VPS35L: variants seen among roughly 807,000 people sequenced by gnomAD.
VPS35L encodes VPS35 endosomal protein-sorting factor-like.
Under a neutral mutation model 133.0 loss-of-function variants are expected in VPS35L, and 83 were observed. The observed-to-expected ratio is 0.62, with a 90% CI of 0.52 to 0.75. The LOEUF is 0.75. VPS35L is among the 30% of genes least tolerant of loss of function. VPS35L has a pLI of 0.00. For missense variants in VPS35L, 1,083 were observed against 1,206.8 expected (o/e 0.90, Z 1.52); for synonymous variants, 423 against 449.9 (o/e 0.94, Z 0.76).
chr16:19,603,707 G>T (rs1287854048), intron 9 of VPS35L, among the ~76,000 whole-genome samples: 3 of 152,102 alleles, frequency 2.0e-5, no homozygotes, highest in Non-Finnish European at 2.9e-5. Flanking sequence ...GCTGGCTTGA[G>T]GATTTGGGAA....
At chr16:19,575,171 T>A in intron 5 of VPS35L, 49 bp downstream of exon 5, 1 of 1,555,736 alleles carries the variant, frequency 6.4e-7, no homozygotes, top group Non-Finnish European at 8.8e-7. Context: ...GGCATTACTT[T>A]TAGTATAATT....
intron 7 of VPS35L, among the ~76,000 whole-genome samples, chr16:19,586,141 C>A (rs1971856437): frequency 6.6e-6 from 1 of 152,132 alleles, no homozygotes; most frequent in African/African-American, 2.4e-5. Context: ...CTCAAGCGAT[C>A]CTTTCATCTT....
intron 26 of VPS35L, among the ~76,000 whole-genome samples, chr16:19,659,111 C>T (rs1974399929): frequency 6.6e-6 from 1 of 152,118 alleles, no homozygotes; most frequent in Non-Finnish European, 1.5e-5. Context: ...ACGGATTGAG[C>T]ATTAGATAAA....
At chr16:19,682,065 T>C (rs893145818) in intron 27 of VPS35L, among the ~76,000 whole-genome samples, 160 bp from the exon 28 acceptor site, 2 of 152,208 alleles carry the variant, frequency 1.3e-5, no homozygotes, top group African/African-American at 4.8e-5. Context: ...CTCTGTATTG[T>C]TTAACCAGGC....
At chr16:19,659,629 G>C (rs888339215) in intron 26 of VPS35L, among the ~76,000 whole-genome samples, 1 of 152,138 alleles carries the variant, frequency 6.6e-6, no homozygotes, top group Non-Finnish European at 1.5e-5. Flanking sequence ...AAACTTAGCT[G>C]TTGGAATAAC....
chr16:19,576,505 C>A (rs1483279002), intron 5 of VPS35L, among the ~76,000 whole-genome samples: 1 of 152,134 alleles, frequency 6.6e-6, no homozygotes, highest in East Asian at 1.9e-4. Context: ...AGATGCCTGG[C>A]CCCCACTTGC....
Position 19,666,964 on chromosome 16 carries a change from C to CT in VPS35L, c.2222-2194dup, listed in dbSNP as rs1212117718. 2.5e-3 allele frequency among the ~76,000 whole-genome samples: 253 copies of CT among 103,172 alleles called. 1 individual carries two copies. Among genetic ancestry groups the CT allele is most frequent in the African/African-American group, 7.3e-3 (210 of 28,572 alleles). 67.7% of individuals were successfully genotyped at this position (103,172 alleles called of 152,430 possible). A position where few individuals can be genotyped will look rare whatever the true frequency, so the allele number is the denominator to read the frequency against. Reference sequence around the variant, plus strand: ...TCTTCCTTTCTTCCTTTCTTCCTTTCTTCCTTTCTTCCTTTCTTTCTTTCT... The same window carrying CT: ...TCTTCCTTTCTTCCTTTCTTCCTTTCTTTCCTTTCTTCCTTTCTTTCTTTCT... On this transcript the variant is annotated intron_variant, in intron 26 of 30. Transcript: ENST00000417362.
At chr16:19,589,535 A>T (rs542726038) in intron 7 of VPS35L, among the ~76,000 whole-genome samples, 12 of 152,260 alleles carry the variant, frequency 7.9e-5, no homozygotes, top group African/African-American at 2.6e-4. Context: ...ATGAGCCACC[A>T]TGCCCAGCTG....
chr16:19,583,404 G>C (rs6497386), intron 7 of VPS35L, among the ~76,000 whole-genome samples: 43,387 of 152,004 alleles, frequency 0.29, 7,727 homozygotes, highest in African/African-American at 0.51. Context: ...TTAATTGATA[G>C]ATAATAATTC....
chr16:19,690,961 CAAA>C (rs112601797), intron 28 of VPS35L, among the ~76,000 whole-genome samples: 2 of 130,850 alleles, frequency 1.5e-5, no homozygotes, highest in Non-Finnish European at 3.3e-5. Context: ...GACTCCGTCT[CAAA>C]AAAAAAAAAA....
intron 1 of VPS35L, 76 bp downstream of exon 1, chr16:19,555,822 T>C: frequency 2.7e-6 from 4 of 1,501,676 alleles, no homozygotes; most frequent in Middle Eastern, 2.5e-4. Flanking sequence ...GGTCTGAGAG[T>C]GTGAATTCCT....
Position 19,569,575 on chromosome 16 carries a change from C to G in VPS35L, c.269C>G (p.Ala90Gly), listed in dbSNP as rs1452799898. ...TTTGCAGCCACTGCTGACCCCGCAG[C>G]CTTGGCAGCTGCCATGGTAATGCAC... Reference protein sequence around the residue: ...SMFAATADPAALAAAMDSSRR... With the variant: ...SMFAATADPAGLAAAMDSSRR... Residue 90 changes from alanine (A) to glycine (G), a missense_variant, in exon 3 of 31, where the codon GCC becomes GGC. Physicochemically the swap from Ala to Gly is moderately conservative, Grantham distance 60 (BLOSUM62 0). Transcript: ENST00000417362. 5.1e-6 allele frequency: 8 copies of G among 1,556,072 alleles called. No individual in the cohort carries two copies. The highest frequency in any genetic ancestry group is 6.9e-6 in the Non-Finnish European group (8 of 1,152,732).
At chr16:19,556,089 T>G (rs1412000353) in intron 1 of VPS35L, among the ~76,000 whole-genome samples, 1 of 152,168 alleles carries the variant, frequency 6.6e-6, no homozygotes, top group Non-Finnish European at 1.5e-5. Flanking sequence ...AATGGTGGAC[T>G]CAGCTTTTAA....
At chr16:19,561,916 GC>G (rs1247898092) in intron 1 of VPS35L, among the ~76,000 whole-genome samples, 1 of 152,064 alleles carries the variant, frequency 6.6e-6, no homozygotes, top group Non-Finnish European at 1.5e-5. Context: ...GGTCAGCTTG[GC>G]CAACATGGTG....
At chr16:19,593,245 G>T (rs1206002970) in intron 8 of VPS35L, among the ~76,000 whole-genome samples, 1 of 152,140 alleles carries the variant, frequency 6.6e-6, no homozygotes, top group East Asian at 1.9e-4. Context: ...TATATGATGT[G>T]CCCCACAGCA....
rs139805019 is a variant in VPS35L at position 19,633,147 on chromosome 16, G to A, written c.1610G>A (p.Arg537His). The A allele has an allele frequency of 1.1e-4, 179 of 1,614,140 alleles. No homozygotes were observed. Among genetic ancestry groups the A allele is most frequent in the Non-Finnish European group, 1.5e-4 (176 of 1,179,984 alleles). The change falls in exon 19 of 31, where the codon CGT (arginine) becomes CAT (histidine). Residue 537 changes from arginine to histidine, a missense_variant. Coordinates refer to ENST00000417362, the MANE Select transcript of VPS35L (RefSeq NM_020314.7). The surrounding 1 kb of genome is among the most constrained non-coding windows in gnomAD (Gnocchi z 4.1). ...ADVIKHMTPD[R>H]AFEDSYPQLQ... ...GTCATCAAGCACATGACTCCAGATCGTGCATTTGAAGATTCCTACCCCCAG... is the reference window on the plus strand; with the variant it reads ...GTCATCAAGCACATGACTCCAGATCATGCATTTGAAGATTCCTACCCCCAG...
chr16:19,572,158 G>A (rs968001327), intron 3 of VPS35L, among the ~76,000 whole-genome samples: 3 of 152,090 alleles, frequency 2.0e-5, no homozygotes, highest in Non-Finnish European at 4.4e-5. Flanking sequence ...AGTGGGTCAC[G>A]CCTGTAATCC....
At chr16:19,676,225 C>T (rs913244083) in intron 27 of VPS35L, among the ~76,000 whole-genome samples, 9 of 152,062 alleles carry the variant, frequency 5.9e-5, no homozygotes, top group African/African-American at 2.2e-4. Context: ...GCACTCCAGC[C>T]TGGGTGACAA....
chr16:19,674,184 CTT>C (rs201038834), intron 27 of VPS35L, among the ~76,000 whole-genome samples: 6 of 70,912 alleles, frequency 8.5e-5, no homozygotes, highest in African/African-American at 2.5e-4. Context: ...TTTTCTTTTT[CTT>C]TTTTTTTTTT....
Sources: allele counts gnomAD v4.1 joint callset (sites outside exome capture counted in the v4.1 genomes callset), GRCh38; gene constraint gnomAD v4.1.1; non-coding constraint Gnocchi (gnomAD v3.1); transcripts MANE v1.5; gene names NCBI Gene and HGNC (gene_info 2026-07-23, HGNC 2026-07-21).